CCL24: variants seen among roughly 807,000 people sequenced by gnomAD.
CCL24 encodes C-C motif chemokine ligand 24.
Under a neutral mutation model 8.6 loss-of-function variants are expected in CCL24, and 6 were observed. That is an observed-to-expected ratio of 0.70 (90% CI 0.38 to 1.38). The LOEUF is 1.38. Among genes scored for constraint, CCL24 ranks in the 40% most tolerant of loss-of-function variants. CCL24 has a pLI of 0.02. For missense variants in CCL24, 126 were observed against 147.1 expected, an observed-to-expected ratio of 0.86 and a Z score of 0.74; for synonymous variants, 59 against 52.7, an observed-to-expected ratio of 1.12 and a Z score of -0.52.
At position 75,821,963 on chromosome 7, in the gene CCL24, G is replaced by A. The variant is rs536808858; in HGVS notation, c.-60+1359C>T. ...AAAAAGAAAACAAAATTAGCCAGGT[G>A]TGGTGGCACAAGCCTGTAATCCCAG... is the stretch of plus-strand genomic sequence containing the variant. On this transcript the variant is annotated intron_variant, in intron 1 of 3. Coordinates refer to the CCL24 transcript ENST00000416943. 6.3e-4 allele frequency among the ~76,000 whole-genome samples: 95 copies of A among 151,620 alleles called. 2 individuals carry two copies. The South Asian group carries it at 0.02, about 31-fold the overall frequency.
chr7:75,814,217 GC>G (rs1407435373), upstream of CCL24, among the ~76,000 whole-genome samples: 3 of 152,130 alleles, frequency 2.0e-5, no homozygotes, highest in African/African-American at 7.2e-5. Flanking sequence ...TCTGTGCCAG[GC>G]ACTGGGAGGA....
At chr7:75,817,916 C>T (rs768476182), upstream of CCL24, among the ~76,000 whole-genome samples, 8 of 150,306 alleles carry the variant, frequency 5.3e-5, no homozygotes, top group South Asian at 2.1e-4. Context: ...CTACAACCTC[C>T]GCCCCCCAGG....
chr7:75,817,896 T>C (rs1554534383), upstream of CCL24, among the ~76,000 whole-genome samples: 1 of 151,774 alleles, frequency 6.6e-6, no homozygotes. Context: ...AGTGGCATGA[T>C]CTTGGCTCAC....
upstream of CCL24, among the ~76,000 whole-genome samples, chr7:75,814,160 C>CCATT (rs1214058223): frequency 1.1e-4 from 17 of 152,282 alleles, 1 homozygote; most frequent in Admixed American, 2.0e-4. Flanking sequence ...CTTCTCCCTT[C>CCATT]CATTCATTCA....
upstream of CCL24, among the ~76,000 whole-genome samples, chr7:75,814,369 C>T (rs1479588096): frequency 6.6e-6 from 1 of 151,954 alleles, no homozygotes; most frequent in African/African-American, 2.4e-5. Context: ...ACTTTGAGAC[C>T]AGCCTAGGCA....
At chr7:75,820,820 C>CATCA (rs563384873) in intron 1 of CCL24, among the ~76,000 whole-genome samples, 4 of 85,084 alleles carry the variant, frequency 4.7e-5, no homozygotes, top group Admixed American at 1.8e-4. Flanking sequence ...TTCACTAATC[C>CATCA]ATCCATCCAT....
At chr7:75,823,097 C>T (rs1554535299) in intron 1 of CCL24, among the ~76,000 whole-genome samples, 1 of 152,164 alleles carries the variant, frequency 6.6e-6, no homozygotes, top group Non-Finnish European at 1.5e-5. Context: ...TTCTTGCATT[C>T]TTGTCCCAGC....
intron 1 of CCL24, among the ~76,000 whole-genome samples, chr7:75,822,689 C>T (rs955831760): frequency 1.3e-5 from 2 of 151,926 alleles, no homozygotes; most frequent in African/African-American, 2.4e-5. Flanking sequence ...TTTAGCCAGG[C>T]GTGGTGGCAG....
intron 1 of CCL24, among the ~76,000 whole-genome samples, chr7:75,820,324 G>A (rs991617622): frequency 1.1e-4 from 17 of 151,714 alleles, no homozygotes; most frequent in South Asian, 2.1e-4. Flanking sequence ...GATTACAGGC[G>A]CACGCCACCA....
intron 1 of CCL24, among the ~76,000 whole-genome samples, chr7:75,822,605 G>A (rs999939021): frequency 7.1e-5 from 9 of 127,646 alleles, no homozygotes; most frequent in South Asian, 2.9e-4. Context: ...TGGCCTAGGC[G>A]GTGGATCACC....
exon 1 of CCL24, chr7:75,823,343 C>T (rs1554535328): frequency 6.6e-6 from 1 of 152,318 alleles, no homozygotes; most frequent in East Asian, 1.9e-4. Context: ...AGGGTGACAG[C>T]CTTGGTGCCA....
chr7:75,820,095 T>TTCC (rs1804005710), intron 1 of CCL24, among the ~76,000 whole-genome samples: 12 of 123,150 alleles, frequency 9.7e-5, no homozygotes, highest in South Asian at 3.0e-4. Context: ...CTTCCTCTTC[T>TTCC]TCTTCTTCTT....
intron 1 of CCL24, among the ~76,000 whole-genome samples, chr7:75,820,069 T>TCTC: frequency 7.1e-6 from 1 of 140,988 alleles, no homozygotes; most frequent in South Asian, 2.5e-4. Flanking sequence ...TTCTTCTTCT[T>TCTC]CTTCTTCTTC....
At chr7:75,818,402 G>T (rs62477638), upstream of CCL24, among the ~76,000 whole-genome samples, 19,454 of 146,518 alleles carry the variant, frequency 0.13, 2,045 homozygotes, top group East Asian at 0.48. Context: ...AGCCGAGATC[G>T]CACCACTGCA....
At chr7:75,820,800 CATCCATCCATTCACTA>C (rs1563354363) in intron 1 of CCL24, among the ~76,000 whole-genome samples, 1 of 149,500 alleles carries the variant, frequency 6.7e-6, no homozygotes, top group Non-Finnish European at 1.5e-5. Flanking sequence ...CTCATCTATC[CATCCATCCATTCACTA>C]ATCCATCCAT....
In CCL24 at chr7:75,811,815, C is replaced by T. The variant is rs973805177; in HGVS notation, c.341G>A (p.Gly114Asp). 2.5e-6 allele frequency: 4 copies of T among 1,613,358 alleles called. No individual in the cohort carries two copies. Among genetic ancestry groups the T allele is most frequent in the Non-Finnish European group, 3.4e-6 (4 of 1,179,790 alleles). Residue 114 changes from glycine (G) to aspartate (D), a missense_variant, in exon 3 of 3, where the codon GGC becomes GAC. By Grantham distance (94) the Gly-to-Asp change is moderately conservative. Transcript: ENST00000222902. ...CGGGGATTAGCAGGTGGTTTGGTTGCCAGGATATCTCTGGACAGGGCCCTT... is the reference window on the plus strand; with the variant it reads ...CGGGGATTAGCAGGTGGTTTGGTTGTCAGGATATCTCTGGACAGGGCCCTT... ...AVKGPVQRYP[G>D]NQTTC
rs1803827970 is a variant in CCL24 at position 75,813,733 on chromosome 7, C to A, written c.-18G>T. ...CCTGCCATGTCTCAGAGAGCAGAAGCACCAGCTCGGGGCTCAAAGCTGACG... is the reference window on the plus strand; with the variant it reads ...CCTGCCATGTCTCAGAGAGCAGAAGAACCAGCTCGGGGCTCAAAGCTGACG... On this transcript the variant is annotated 5_prime_UTR_variant, in exon 1 of 3. Coordinates refer to ENST00000222902, the MANE Select transcript of CCL24 (RefSeq NM_002991.3). The A allele has an allele frequency of 1.9e-6, 3 of 1,611,004 alleles. No homozygotes were observed. In the East Asian group the frequency reaches 6.7e-5, roughly 36 times the overall value.
At chr7:75,818,119 C>A, upstream of CCL24, among the ~76,000 whole-genome samples, 1 of 152,096 alleles carries the variant, frequency 6.6e-6, no homozygotes. Flanking sequence ...GCATGAGCCA[C>A]CTCACCCAAC....
chr7:75,815,766 T>C (rs548016709), upstream of CCL24, among the ~76,000 whole-genome samples: 2 of 152,156 alleles, frequency 1.3e-5, no homozygotes, highest in East Asian at 3.9e-4. Context: ...CACTCCCATG[T>C]GGCTGACTGC....
Sources: gnomAD v4.1 joint callset for allele counts (sites outside exome capture counted in the v4.1 genomes callset) on GRCh38, gnomAD v4.1.1 for gene constraint, MANE v1.5 for transcripts, NCBI Gene and HGNC (gene_info 2026-07-23, HGNC 2026-07-21) for gene names.